The following CD209 variants were observed in gnomAD, a reference collection of about 807,000 sequenced individuals.
CD209 encodes the protein CD209 antigen.
A neutral mutation model predicts 44.7 loss-of-function variants in CD209; 31 were observed. That is an observed-to-expected ratio of 0.69 (90% CI 0.52 to 0.94). The LOEUF (loss-of-function observed/expected upper bound fraction) is 0.94, where lower values mean the gene tolerates loss of function less well. CD209 is among the 40% of genes least tolerant of loss of function. The pLI, the probability that CD209 is intolerant of heterozygous loss-of-function variation, is 0.00. For synonymous variants in CD209, 173 were observed against 181.3 expected (o/e 0.95, Z 0.37); for missense variants, 407 against 452.4 (o/e 0.90, Z 0.91).
At chr19:7,746,220 G>T in intron 3 of CD209, 133 bp from the exon 4 acceptor site, 1 of 1,344,470 alleles carries the variant, frequency 7.4e-7, no homozygotes, top group Admixed American at 2.6e-5. Flanking sequence ...GAAGAAAACT[G>T]ACACCTGGAG....
chr19:7,745,976 A>G lies in CD209; in HGVS notation c.290T>C (p.Leu97Pro). ...GGTCAGCTCCTGGTAGATCTCCTGC[A>G]GCTTGGATTTCTCTGAGAGCTCACC... ...AVGELSEKSK[L>P]QEIYQELTQL... is the part of the protein sequence containing the mutation. The change falls in exon 4 of 7, where the codon CTG becomes CCG. Residue 97 changes from leucine to proline, a missense_variant. Transcript: ENST00000315599. 1.2e-6 allele frequency: 2 copies of G among 1,613,252 alleles called. No homozygotes were observed. Among genetic ancestry groups the G allele is most frequent in the Non-Finnish European group, 1.7e-6 (2 of 1,179,734 alleles).
chr19:7,747,414 C>T, intron 1 of CD209, 49 bp from the exon 2 acceptor site: 1 of 1,614,224 alleles, frequency 6.2e-7, no homozygotes, highest in South Asian at 1.1e-5. Context: ...GAGGCCATGG[C>T]TGGCCATCCC....
At position 7,741,052 on chromosome 19, in the gene CD209, A is replaced by T; in HGVS notation, c.*1987T>A. 2 of 791,152 alleles carry T rather than the reference A, an allele frequency of 2.5e-6. No individual in the cohort carries two copies. The highest frequency in any genetic ancestry group is 4.4e-6 in the Non-Finnish European group (2 of 454,238). 49.0% of individuals were successfully genotyped at this position (791,152 alleles called of 1,614,324 possible). On this transcript the variant is annotated 3_prime_UTR_variant, in exon 7 of 7. Coordinates refer to ENST00000315599, the MANE Select transcript of CD209 (RefSeq NM_021155.4). ...TACCCTTCTTATTAAAAGCATGTTTACAGTGTTTGGAAAGGAGCAGTGCAG... is the reference window on the plus strand; with the variant it reads ...TACCCTTCTTATTAAAAGCATGTTTTCAGTGTTTGGAAAGGAGCAGTGCAG...
intron 4 of CD209, 92 bp downstream of exon 4, chr19:7,745,426 G>C: frequency 1.2e-6 from 2 of 1,606,646 alleles, no homozygotes; most frequent in Non-Finnish European, 1.7e-6. Context: ...CACAGATGAG[G>C]AAACTTGCTC....
rs2033578879 is a variant in CD209, at chr19:7,740,549, G to T, written c.*2490C>A. 4.5e-6 allele frequency: 5 copies of T among 1,120,882 alleles called. No individual in the cohort carries two copies. Among genetic ancestry groups the T allele is most frequent in the African/African-American group, 1.5e-5 (1 of 65,578 alleles). The allele number at this position is 1,120,882 out of a possible 1,614,324, so 69.4% of individuals were successfully genotyped here. A position where few individuals can be genotyped will look rare whatever the true frequency, so the allele number is the denominator to read the frequency against. On this transcript the variant is annotated 3_prime_UTR_variant, in exon 7 of 7. Coordinates refer to ENST00000315599, the MANE Select transcript of CD209 (RefSeq NM_021155.4). ...AGAAGGAGAAACGAAAGAAACGCCA[G>T]CAGGAACTTGCTCCACTGAGGGACT...
Position 7,742,967 on chromosome 19 carries a change from C to A in CD209, c.*72G>T. ...AAAGGAGGAAGAATCTGACAAAGAA[C>A]AGTCCCAGAGATTTTGTGAAGGTCG... On this transcript the variant is annotated 3_prime_UTR_variant, in exon 7 of 7. Transcript: ENST00000315599. 1 of 1,207,432 alleles carries A rather than the reference C, an allele frequency of 8.3e-7. No individual in the cohort carries two copies. Among genetic ancestry groups the A allele is most frequent in the South Asian group, 1.2e-5 (1 of 80,082 alleles). The allele number at this position is 1,207,432 out of a possible 1,614,324, so 74.8% of individuals were successfully genotyped here.
chr19:7,746,599 C>G (rs2033837212), intron 2 of CD209, 68 bp from the exon 3 acceptor site: 1 of 1,520,480 alleles, frequency 6.6e-7, no homozygotes, highest in East Asian at 2.3e-5. Context: ...AGAGCCTGGT[C>G]TAAATCCCTC....
chr19:7,741,513 A>G lies in CD209; in HGVS notation c.*1526T>C, dbSNP rs1192979107. 1 of 569,464 alleles carries G rather than the reference A, an allele frequency of 1.8e-6. No individual in the cohort carries two copies. Among genetic ancestry groups the G allele is most frequent in the Non-Finnish European group, 3.4e-6 (1 of 293,088 alleles). The allele number at this position is 569,464 out of a possible 1,614,324, so 35.3% of individuals were successfully genotyped here. A position where few individuals can be genotyped will look rare whatever the true frequency, so the allele number is the denominator to read the frequency against. On this transcript the variant is annotated 3_prime_UTR_variant, in exon 7 of 7. Transcript: ENST00000315599. ...CTTTAAAAAAAAATAGTAATTAAAA[A>G]ATAACGTGGGGAGAGTGATTCAGTT... is the stretch of plus-strand genomic sequence containing the variant.
chr19:7,744,348 C>T (rs1490688011), intron 5 of CD209, 129 bp from the exon 6 acceptor site: 36 of 674,576 alleles, frequency 5.3e-5, no homozygotes, highest in Non-Finnish European at 7.5e-5. Context: ...GGTCCTGAGC[C>T]CCCTCGTGTC....
Position 7,741,739 on chromosome 19 carries a change from A to G in CD209, c.*1300T>C. On this transcript the variant is annotated 3_prime_UTR_variant, in exon 7 of 7. Coordinates refer to ENST00000315599, the MANE Select transcript of CD209 (RefSeq NM_021155.4). The stretch of plus-strand genomic sequence containing the variant: ...GTTTATTTGAAATACAACAATGTCC[A>G]AGAGGAAAACACTGCAACTTTCTTC... The G allele has an allele frequency of 3.3e-6, 2 of 603,788 alleles. No individual in the cohort carries two copies. The highest frequency in any genetic ancestry group is 2.0e-5 in the Admixed American group (1 of 49,492). 37.4% of individuals were successfully genotyped at this position (603,788 alleles called of 1,614,324 possible).
chr19:7,745,780 C>T lies in CD209; in HGVS notation c.486G>A (p.Glu162=). The T allele has an allele frequency of 6.2e-7, 1 of 1,606,354 alleles. No individual in the cohort carries two copies. Among genetic ancestry groups the T allele is most frequent in the Non-Finnish European group, 8.5e-7 (1 of 1,179,572 alleles). ...GGTAGATCTCCTGCATCTTAGATTT[C>T]TCTGGAAGCTCACCCACTGCAGCCT... The part of the protein sequence containing the change: ...WLKAAVGELP[E]KSKMQEIYQE... Residue 162 remains glutamate (E), a synonymous_variant, in exon 4 of 7, where the codon GAG becomes GAA. Transcript: ENST00000315599.
In CD209 at chr19:7,743,079, A is replaced by G. The variant is rs751584461; in HGVS notation, c.1175T>C (p.Leu392Pro). The G allele has an allele frequency of 8.1e-6, 13 of 1,614,082 alleles. No homozygotes were observed. The highest frequency in any genetic ancestry group is 2.2e-5 in the East Asian group (1 of 44,882). The change falls in exon 7 of 7, where the codon CTT becomes CCT. Residue 392 changes from leucine to proline, a missense_variant. Leu to Pro is a moderately conservative substitution (Grantham distance 98). Coordinates refer to ENST00000315599, the MANE Select transcript of CD209 (RefSeq NM_021155.4). ...GTTTGGGGTGGCAGGGGCTGGAGAA[A>G]GAAACTGTTCTTCATCCCTGGAGCA... is the stretch of plus-strand genomic sequence containing the variant. ...ASCSRDEEQF[L>P]SPAPATPNPP...
chr19:7,741,482 C>T lies in CD209; in HGVS notation c.*1557G>A. On this transcript the variant is annotated 3_prime_UTR_variant, in exon 7 of 7. Transcript: ENST00000315599. The stretch of plus-strand genomic sequence containing the variant: ...ACTCCAGCCTGGCGACAGAGCAAGA[C>T]CCCATCTTTAAAAAAAAATAGTAAT... The T allele has an allele frequency of 2.0e-6, 1 of 509,800 alleles. No individual in the cohort carries two copies. Among genetic ancestry groups the T allele is most frequent in the African/African-American group, 2.0e-5 (1 of 50,528 alleles). 31.6% of individuals were successfully genotyped at this position (509,800 alleles called of 1,614,324 possible). A position where few individuals can be genotyped will look rare whatever the true frequency, so the allele number is the denominator to read the frequency against.
chr19:7,744,462 T>C (rs2033731444), intron 5 of CD209, among the ~76,000 whole-genome samples: 1 of 152,232 alleles, frequency 6.6e-6, no homozygotes, highest in Admixed American at 6.5e-5. Flanking sequence ...ACTGCATGTT[T>C]ATCCATTTCA....
intron 5 of CD209, among the ~76,000 whole-genome samples, chr19:7,744,630 A>G (rs930339773): frequency 3.3e-5 from 5 of 152,212 alleles, no homozygotes; most frequent in Admixed American, 3.3e-4. Flanking sequence ...CCATGGGAAT[A>G]TTTACACCAG....
At position 7,746,075 on chromosome 19, in the gene CD209, G is replaced by C; in HGVS notation, c.191C>G (p.Pro64Arg). 2 of 1,614,206 alleles carry C rather than the reference G, an allele frequency of 1.2e-6. No individual in the cohort carries two copies. Among genetic ancestry groups the C allele is most frequent in the Non-Finnish European group, 1.7e-6 (2 of 1,180,008 alleles). ...GGATTGTTCCTGACTTATGGAGCTG[G>C]GGACCTTGGACACTGGGCCAAGAAA... Reference protein sequence around the residue: ...AGLLVQVSKVPSSISQEQSRQ... With the variant: ...AGLLVQVSKVRSSISQEQSRQ... Residue 64 changes from proline to arginine, a missense_variant, in exon 4 of 7, where the codon CCC becomes CGC. Physicochemically the swap from Pro to Arg is moderately radical, Grantham distance 103 (BLOSUM62 -2). Transcript: ENST00000315599.
rs2033652807 is a variant in CD209, at chr19:7,742,702, C to G, written c.*337G>C. ...CAGGAGGTGGTAGGTGGAAGTTGAACAGATGGTAGGTTTGCATGTATAAGA... is the reference window on the plus strand; with the variant it reads ...CAGGAGGTGGTAGGTGGAAGTTGAAGAGATGGTAGGTTTGCATGTATAAGA... On this transcript the variant is annotated 3_prime_UTR_variant, in exon 7 of 7. Transcript: ENST00000315599. The G allele has an allele frequency of 1.4e-5, 4 of 289,432 alleles. No individual in the cohort carries two copies. The South Asian group carries it at 1.8e-4, about 13-fold the overall frequency. 17.9% of individuals were successfully genotyped at this position (289,432 alleles called of 1,614,324 possible).
In CD209 at chr19:7,744,974, G is replaced by C. The variant is rs1199647739; in HGVS notation, c.867C>G (p.Ala289=). The change falls in exon 5 of 7, where the codon GCC becomes GCG. Residue 289 remains alanine, a synonymous_variant. Transcript: ENST00000315599. ...DSITACKEVG[A]QLVVIKSAEE... ...CAGCACTTTTGATTACGACGAGCTG[G>C]GCCCCCACTTCTTTGCAGGCGGTGA... The C allele has an allele frequency of 6.2e-7, 1 of 1,614,060 alleles. No homozygotes were observed. Among genetic ancestry groups the C allele is most frequent in the African/African-American group, 1.3e-5 (1 of 74,924 alleles).
Position 7,744,848 on chromosome 19 carries a change from A to ATCT in CD209, c.900+92_900+93insAGA. 2.6e-6 allele frequency: 4 copies of ATCT among 1,527,582 alleles called. No homozygotes were observed. In the East Asian group the frequency reaches 9.0e-5, roughly 35 times the overall value. The allele number at this position is 1,527,582 out of a possible 1,614,324, so 94.6% of individuals were successfully genotyped here. On this transcript the variant is annotated intron_variant, in intron 5 of 6. Transcript: ENST00000315599. ...CTCCCTTCTTTCCAAGTGGAGCAAAACCCCTCTTCTGCAAAGTCATCTCTG... is the reference window on the plus strand; with the variant it reads ...CTCCCTTCTTTCCAAGTGGAGCAAAATCTCCCCTCTTCTGCAAAGTCATCTCTG...
Sources: gnomAD v4.1 joint callset for allele counts (sites outside exome capture counted in the v4.1 genomes callset) on GRCh38, gnomAD v4.1.1 for gene constraint, MANE v1.5 for transcripts, NCBI Gene and HGNC (gene_info 2026-07-23, HGNC 2026-07-21) for gene names.